Variants in EIF4G3 observed in about 807,000 individuals in gnomAD.
EIF4G3 encodes eIF-4-gamma 3.
In EIF4G3, 34 loss-of-function variants were observed where a neutral mutation model predicts 186.4. The ratio of observed to expected loss-of-function variants is 0.18; its 90% CI spans 0.14 to 0.24. The LOEUF is 0.24. Among genes scored for constraint, EIF4G3 ranks in the 10% least tolerant of loss-of-function variants. The probability of loss-of-function intolerance (pLI) is 1.00; values close to 1 mark genes in which losing one functional copy is unlikely to be tolerated. For synonymous variants in EIF4G3, 673 were observed against 679.5 expected (o/e 0.99, Z 0.15); for missense variants, 1,536 against 1,948.5 (o/e 0.79, Z 3.99).
At chr1:20,868,090 C>CTTTTTTTTCTT (rs1553236849) in intron 20 of EIF4G3, among the ~76,000 whole-genome samples, 6 of 90,416 alleles carry the variant, frequency 6.6e-5, no homozygotes, top group Admixed American at 5.1e-4. Context: ...TGGTGATTTT[C>CTTTTTTTTCTT]TTTTTTTTTT....
intron 34 of EIF4G3, among the ~76,000 whole-genome samples, chr1:20,815,649 T>G (rs1228230605): frequency 1.6e-5 from 2 of 127,204 alleles, no homozygotes; most frequent in African/African-American, 3.0e-5. Flanking sequence ...GGGAGGGAGG[T>G]GGGGGGGGGT....
intron 4 of EIF4G3, among the ~76,000 whole-genome samples, chr1:21,041,983 T>G (rs539314225): frequency 5.3e-5 from 8 of 151,764 alleles, no homozygotes; most frequent in Non-Finnish European, 1.2e-4. Context: ...AAATTTCTTT[T>G]CTTTTCTTTT....
At chr1:21,140,283 C>T (rs970811133) in intron 2 of EIF4G3, among the ~76,000 whole-genome samples, 2 of 152,168 alleles carry the variant, frequency 1.3e-5, no homozygotes, top group Admixed American at 6.5e-5. Flanking sequence ...CTTCCTTTCA[C>T]TAAAATTGAA....
chr1:21,072,834 T>TA (rs2095483463), intron 3 of EIF4G3, among the ~76,000 whole-genome samples: 1 of 152,260 alleles, frequency 6.6e-6, no homozygotes, highest in South Asian at 2.1e-4. Flanking sequence ...ATTGTAGTTG[T>TA]AAGAATAGAA....
At chr1:21,167,167 AG>A (rs2097869164) in intron 2 of EIF4G3, among the ~76,000 whole-genome samples, 1 of 152,164 alleles carries the variant, frequency 6.6e-6, no homozygotes, top group Non-Finnish European at 1.5e-5. Flanking sequence ...TTAACCTTCA[AG>A]GTTCAGTCCT....
intron 33 of EIF4G3, among the ~76,000 whole-genome samples, chr1:20,823,057 C>T (rs1445154066): frequency 6.6e-6 from 1 of 151,900 alleles, no homozygotes; most frequent in African/African-American, 2.4e-5. Context: ...GAGGGGGAGG[C>T]AGGTAAGTAA....
intron 2 of EIF4G3, among the ~76,000 whole-genome samples, chr1:21,158,658 C>T (rs975465577): frequency 3.3e-5 from 5 of 151,986 alleles, no homozygotes; most frequent in Non-Finnish European, 7.4e-5. Context: ...CACTTGTAAT[C>T]CCCCCTACTC....
At chr1:21,143,227 C>T (rs933843760) in intron 2 of EIF4G3, among the ~76,000 whole-genome samples, 1 of 147,278 alleles carries the variant, frequency 6.8e-6, no homozygotes, top group Non-Finnish European at 1.5e-5. Context: ...CAAGCCTGGG[C>T]GACAAAGTGA....
chr1:20,876,042 C>T (rs1172980539), intron 20 of EIF4G3, among the ~76,000 whole-genome samples: 2 of 151,406 alleles, frequency 1.3e-5, no homozygotes, highest in African/African-American at 2.4e-5. Context: ...GACAACATGG[C>T]GAAACCCCAA....
intron 30 of EIF4G3, among the ~76,000 whole-genome samples, chr1:20,834,478 A>C (rs2066179233): frequency 1.3e-5 from 2 of 152,106 alleles, no homozygotes. Flanking sequence ...ATCCAACCAT[A>C]TGCTGCTTAT....
chr1:21,114,904 T>C (rs2096790581), intron 2 of EIF4G3, among the ~76,000 whole-genome samples: 1 of 152,202 alleles, frequency 6.6e-6, no homozygotes, highest in East Asian at 1.9e-4. Flanking sequence ...TGCTTATGCC[T>C]GTAATCCTAG....
rs1309226830 is a variant in EIF4G3 at position 21,027,629 on chromosome 1, CA to C, written c.-67+23236del. Among the ~76,000 whole-genome samples the C allele has an allele frequency of 4.0e-5, 6 of 150,832 alleles. No homozygotes were observed. In the South Asian group the frequency reaches 1.3e-3, roughly 32 times the overall value. Reference sequence around the variant, plus strand: ...TGGGCAACACAGCAAGACTCCATCTCAAAAAAAAGGAAAAGTGTTGTAAAAG... The same window carrying C: ...TGGGCAACACAGCAAGACTCCATCTCAAAAAAAGGAAAAGTGTTGTAAAAG... On this transcript the variant is annotated intron_variant, in intron 4 of 36. Transcript: ENST00000602326.
intron 28 of EIF4G3, 149 bp downstream of exon 28, chr1:20,851,109 A>C: frequency 1.4e-6 from 1 of 694,860 alleles, no homozygotes. Context: ...AACTGTTATA[A>C]AACTATGAAG....
chr1:21,049,672 G>A (rs1444482337), intron 4 of EIF4G3, among the ~76,000 whole-genome samples: 1 of 152,004 alleles, frequency 6.6e-6, no homozygotes, highest in Admixed American at 6.6e-5. Context: ...ACATGGCCAG[G>A]AGATCAAGGC....
chr1:20,849,549 A>G lies in EIF4G3; in HGVS notation c.3773-19T>C, dbSNP rs74654140. ...GGTTTTGCTATTAGTGAGGCCCCCCAAAAAAAGTAAAAATAATAAAAATTA... is the reference window on the plus strand; with the variant it reads ...GGTTTTGCTATTAGTGAGGCCCCCCGAAAAAAGTAAAAATAATAAAAATTA... On this transcript the variant is annotated intron_variant, in intron 28 of 36. Coordinates refer to ENST00000602326, the MANE Select transcript of EIF4G3 (RefSeq NM_001391906.1). 4 of 1,199,888 alleles carry G rather than the reference A, an allele frequency of 3.3e-6. No individual in the cohort carries two copies. In the African/African-American group the frequency reaches 6.3e-5, roughly 19 times the overall value. 74.3% of individuals were successfully genotyped at this position (1,199,888 alleles called of 1,614,324 possible).
At chr1:21,067,870 C>T (rs962126865) in intron 3 of EIF4G3, among the ~76,000 whole-genome samples, 2 of 151,980 alleles carry the variant, frequency 1.3e-5, no homozygotes, top group Admixed American at 6.6e-5. Flanking sequence ...CACAGTGGCT[C>T]ACGCCACTGC....
intron 18 of EIF4G3, chr1:20,892,601 A>T (rs1481876762): frequency 1.4e-6 from 2 of 1,470,990 alleles, no homozygotes; most frequent in Non-Finnish European, 1.8e-6. Flanking sequence ...ATTACAAAAA[A>T]CAAAGTGTTC....
chr1:21,105,872 G>A (rs893115729), intron 2 of EIF4G3, among the ~76,000 whole-genome samples: 3 of 152,090 alleles, frequency 2.0e-5, no homozygotes, highest in Non-Finnish European at 4.4e-5. Context: ...AGGCCAGCCT[G>A]GGCAACTTGT....
intron 3 of EIF4G3, among the ~76,000 whole-genome samples, chr1:21,082,561 G>C (rs936480296): frequency 6.6e-5 from 10 of 152,036 alleles, no homozygotes; most frequent in African/African-American, 2.2e-4. Flanking sequence ...ACTTCAGCCT[G>C]GGTGACAGAG....
Sources: gnomAD v4.1 joint callset for allele counts (sites outside exome capture counted in the v4.1 genomes callset) on GRCh38, gnomAD v4.1.1 for gene constraint, MANE v1.5 for transcripts, NCBI Gene and HGNC (gene_info 2026-07-23, HGNC 2026-07-21) for gene names.